Variants in TALDO1 observed in about 807,000 individuals in gnomAD.
The protein encoded by TALDO1 is transaldolase 1.
Under a neutral mutation model 38.1 loss-of-function variants are expected in TALDO1, and 29 were observed. The observed-to-expected ratio is 0.76, with a 90% confidence interval of 0.57 to 1.04. TALDO1 has a LOEUF of 1.04. Ranked by LOEUF, TALDO1 falls within the 50% of genes least tolerant of loss-of-function variation. The probability of loss-of-function intolerance (pLI) is 0.00; values close to 1 mark genes in which losing one functional copy is unlikely to be tolerated. For missense variants in TALDO1, 499 were observed against 438.1 expected, an observed-to-expected ratio of 1.14 and a Z score of -1.24; for synonymous variants, 207 against 176.8, an observed-to-expected ratio of 1.17 and a Z score of -1.36.
chr11:751,514 T>C (rs1406429067), intron 1 of TALDO1, among the ~76,000 whole-genome samples: 1 of 151,646 alleles, frequency 6.6e-6, no homozygotes, highest in Non-Finnish European at 1.5e-5. Context: ...TACAAAAAAT[T>C]TTTGGCTGGT....
chr11:763,214 CACCT>C, intron 4 of TALDO1, 126 bp from the exon 5 acceptor site: 1 of 143,756 alleles, frequency 7.0e-6, no homozygotes, highest in African/African-American at 3.1e-5. Context: ...GCCCCGCCCT[CACCT>C]GCCCCCGCCC....
intron 1 of TALDO1, among the ~76,000 whole-genome samples, chr11:751,581 G>A (rs187671244): frequency 3.2e-4 from 48 of 152,220 alleles, no homozygotes; most frequent in Non-Finnish European, 4.9e-4. Context: ...ATCACCTGAG[G>A]TCAAGAGATC....
chr11:760,398 C>T (rs1011065970), intron 4 of TALDO1, 145 bp downstream of exon 4: 1 of 1,239,240 alleles, frequency 8.1e-7, no homozygotes, highest in African/African-American at 1.5e-5. Context: ...ACTTGACCAG[C>T]TCATGTCAGC....
intron 1 of TALDO1, among the ~76,000 whole-genome samples, chr11:750,969 T>C (rs1242213829): frequency 3.9e-5 from 6 of 152,216 alleles, no homozygotes; most frequent in African/African-American, 1.4e-4. Flanking sequence ...GTTGGCTTCT[T>C]TGAATTCCTA....
chr11:758,635 C>T (rs1361939325), intron 2 of TALDO1, among the ~76,000 whole-genome samples: 26 of 150,734 alleles, frequency 1.7e-4, no homozygotes, highest in Non-Finnish European at 3.2e-4. Flanking sequence ...GATGGAGTCT[C>T]GCTCTGTCGC....
intron 4 of TALDO1, 40 bp from the exon 5 acceptor site, chr11:763,299 TCCCCG>T (rs1862983322): frequency 6.2e-6 from 4 of 644,072 alleles, no homozygotes; most frequent in Admixed American, 5.8e-5. Context: ...CCCTCACCTG[TCCCCG>T]CCCTCACCTG....
intron 5 of TALDO1, 62 bp from the exon 6 acceptor site, chr11:763,685 G>C (rs1295246079): frequency 1.3e-6 from 2 of 1,590,042 alleles, no homozygotes; most frequent in Non-Finnish European, 1.7e-6. Flanking sequence ...CAGGCACTGG[G>C]AGGGCAGGTG....
chr11:763,356 GC>G lies in TALDO1; in HGVS notation c.475del (p.Gln159SerfsTer8). ...GIQAGKELEE[Q>X]HGIHCNMTLL... ...CCCCGCCCCGCAGGGAGCTCGAGGA[GC>G]AGCACGGCATCCACTGCAACATGAC... is the stretch of plus-strand genomic sequence containing the variant. On this transcript the variant is annotated frameshift_variant, in exon 5 of 8. Coordinates refer to ENST00000319006, the MANE Select transcript of TALDO1 (RefSeq NM_006755.2). LOFTEE classifies it high-confidence loss of function. 1 of 1,589,182 alleles carries G rather than the reference GC, an allele frequency of 6.3e-7. No homozygotes were observed. The highest frequency in any genetic ancestry group is 8.6e-7 in the Non-Finnish European group (1 of 1,165,102).
chr11:748,192 C>T (rs1266859557), intron 1 of TALDO1, among the ~76,000 whole-genome samples: 1 of 152,238 alleles, frequency 6.6e-6, no homozygotes, highest in African/African-American at 2.4e-5. Context: ...GGGACATCAG[C>T]TAGCTCTGAC....
intron 1 of TALDO1, among the ~76,000 whole-genome samples, chr11:749,399 C>T (rs1252503606): frequency 1.3e-4 from 6 of 45,100 alleles, no homozygotes; most frequent in Non-Finnish European, 1.9e-4. Flanking sequence ...AAAACTCCGT[C>T]TCAAAAAAAA....
chr11:764,700 ACACAGAGT>A, intron 7 of TALDO1, 105 bp from the exon 8 acceptor site: 1 of 1,553,352 alleles, frequency 6.4e-7, no homozygotes, highest in Non-Finnish European at 8.9e-7. Context: ...CGTGGCCCCC[ACACAGAGT>A]GCAGACCCCA....
At position 763,383 on chromosome 11, in the gene TALDO1, G is replaced by C; in HGVS notation, c.501G>C (p.Thr167=). ...EEQHGIHCNM[T]LLFSFAQAVA... ...AGCACGGCATCCACTGCAACATGAC[G>C]TTACTCTTCTCCTTCGCCCAGGCTG... is the stretch of plus-strand genomic sequence containing the variant. Residue 167 remains threonine, a synonymous_variant, in exon 5 of 8, where the codon ACG becomes ACC. Coordinates refer to ENST00000319006, the MANE Select transcript of TALDO1 (RefSeq NM_006755.2). 1 of 1,609,978 alleles carries C rather than the reference G, an allele frequency of 6.2e-7. No homozygotes were observed. The highest frequency in any genetic ancestry group is 8.5e-7 in the Non-Finnish European group (1 of 1,178,064).
chr11:749,059 A>C (rs1302673471), intron 1 of TALDO1, among the ~76,000 whole-genome samples: 3 of 152,162 alleles, frequency 2.0e-5, no homozygotes, highest in African/African-American at 7.2e-5. Flanking sequence ...ACCCACACCC[A>C]CAGGAGGGCT....
chr11:749,280 G>A (rs1447353927), intron 1 of TALDO1, among the ~76,000 whole-genome samples: 1 of 151,800 alleles, frequency 6.6e-6, no homozygotes, highest in Non-Finnish European at 1.5e-5. Context: ...TTGCATGCTT[G>A]TAATCCCAGC....
chr11:754,329 C>T (rs1862797811), intron 1 of TALDO1, among the ~76,000 whole-genome samples: 1 of 152,098 alleles, frequency 6.6e-6, no homozygotes, highest in African/African-American at 2.4e-5. Flanking sequence ...CAGAGAATGT[C>T]AGCTTTATAA....
Position 755,934 on chromosome 11 carries a change from C to T in TALDO1, c.153C>T (p.Ala51=), listed in dbSNP as rs755608213. The change falls in exon 2 of 8, where the codon GCC becomes GCT. Residue 51 remains alanine, a synonymous_variant. Transcript: ENST00000319006. The part of the protein sequence containing the change: ...DATTNPSLIL[A]AAQMPAYQEL... Reference sequence around the variant, plus strand: ...CCACCAACCCGTCCCTGATCCTGGCCGCAGCACAGATGCCCGCTTACCAGG... The same window carrying T: ...CCACCAACCCGTCCCTGATCCTGGCTGCAGCACAGATGCCCGCTTACCAGG... 1.9e-5 allele frequency: 30 copies of T among 1,614,038 alleles called. 1 individual carries two copies. The highest frequency in any genetic ancestry group is 1.8e-4 in the South Asian group (16 of 91,080).
intron 1 of TALDO1, among the ~76,000 whole-genome samples, chr11:750,572 C>A (rs1862732712): frequency 6.6e-6 from 1 of 152,160 alleles, no homozygotes; most frequent in Non-Finnish European, 1.5e-5. Flanking sequence ...AGCCTGTAAT[C>A]CGAGCACTTT....
At chr11:762,625 C>T (rs182949920) in intron 4 of TALDO1, among the ~76,000 whole-genome samples, 1 of 152,238 alleles carries the variant, frequency 6.6e-6, no homozygotes, top group South Asian at 2.1e-4. Context: ...GGCCATGTGG[C>T]AGAGGCGCCT....
intron 1 of TALDO1, chr11:752,142 TC>T (rs1178687727): frequency 6.6e-6 from 1 of 152,020 alleles, no homozygotes; most frequent in East Asian, 1.9e-4. Context: ...TGATCTCAGC[TC>T]ACTGCAAGCT....
Sources: gnomAD v4.1 joint callset for allele counts (sites outside exome capture counted in the v4.1 genomes callset) on GRCh38, gnomAD v4.1.1 for gene constraint, MANE v1.5 for transcripts, NCBI Gene and HGNC (gene_info 2026-07-23, HGNC 2026-07-21) for gene names.